Variants in PREX2 observed in about 807,000 individuals in gnomAD.
The protein encoded by PREX2 is phosphatidylinositol 3,4,5-trisphosphate-dependent Rac exchanger 2 protein.
In PREX2, 107 loss-of-function variants were observed where a neutral mutation model predicts 203.2. The observed-to-expected ratio is 0.53, with a 90% CI of 0.45 to 0.62. PREX2 has a LOEUF of 0.62. Ranked by LOEUF, PREX2 falls within the 20% of genes least tolerant of loss-of-function variation. The pLI is 0.00. For missense variants in PREX2, 1,777 were observed against 1,955.9 expected, an observed-to-expected ratio of 0.91 and a Z score of 1.72; for synonymous variants, 672 against 663.6, an observed-to-expected ratio of 1.01 and a Z score of -0.19.
intron 35 of PREX2, among the ~76,000 whole-genome samples, chr8:68,178,428 A>G (rs988287662): frequency 6.6e-6 from 1 of 151,806 alleles, no homozygotes; most frequent in Non-Finnish European, 1.5e-5. Context: ...TCTTCTTTTG[A>G]GAACTATCTG....
intron 1 of PREX2, among the ~76,000 whole-genome samples, chr8:67,953,281 T>C (rs1246516836): frequency 6.6e-6 from 1 of 150,474 alleles, no homozygotes; most frequent in African/African-American, 2.5e-5. Context: ...TTCGTGGAAG[T>C]GGGGATGTAC....
chr8:68,195,169 G>GT, intron 37 of PREX2, among the ~76,000 whole-genome samples: 1 of 152,184 alleles, frequency 6.6e-6, no homozygotes, highest in Non-Finnish European at 1.5e-5. Context: ...TCTCTCAGAT[G>GT]TTTCACGAGC....
intron 19 of PREX2, among the ~76,000 whole-genome samples, chr8:68,089,404 C>G (rs951258730): frequency 2.6e-5 from 4 of 152,068 alleles, no homozygotes; most frequent in African/African-American, 9.7e-5. Flanking sequence ...GACAGGAAGC[C>G]CTCGGAGTCT....
chr8:68,175,657 T>G (rs184593865), intron 35 of PREX2, among the ~76,000 whole-genome samples: 31 of 152,286 alleles, frequency 2.0e-4, no homozygotes, highest in Admixed American at 3.3e-4. Flanking sequence ...TCAGGCCCAC[T>G]AAAGTGTTCC....
chr8:68,046,469 C>A (rs10096711), intron 8 of PREX2, among the ~76,000 whole-genome samples: 16,601 of 152,060 alleles, frequency 0.11, 970 homozygotes, highest in Middle Eastern at 0.13. Context: ...GGATTCAATT[C>A]GACCTGAAAG....
At chr8:68,022,413 A>T (rs6999850) in intron 4 of PREX2, among the ~76,000 whole-genome samples, 38,701 of 151,932 alleles carry the variant, frequency 0.25, 5,840 homozygotes, top group African/African-American at 0.42. Flanking sequence ...GCCAGAGTTC[A>T]TCACTGCTTT....
chr8:68,178,726 C>T (rs1190605763), intron 35 of PREX2, among the ~76,000 whole-genome samples: 1 of 152,048 alleles, frequency 6.6e-6, no homozygotes, highest in Non-Finnish European at 1.5e-5. Flanking sequence ...ACATAGTTTA[C>T]AGGGAAAAGT....
chr8:67,983,407 C>T (rs917737287), intron 1 of PREX2, among the ~76,000 whole-genome samples: 2 of 136,586 alleles, frequency 1.5e-5, no homozygotes, highest in South Asian at 5.0e-4. Flanking sequence ...CTCCATCCTC[C>T]TGTTACTTAG....
At chr8:68,168,979 C>T (rs1228806238) in intron 35 of PREX2, among the ~76,000 whole-genome samples, 3 of 151,270 alleles carry the variant, frequency 2.0e-5, no homozygotes, top group Non-Finnish European at 4.4e-5. Context: ...TTATAAGTTT[C>T]AGAAACCAAA....
chr8:68,000,700 G>A (rs13271466), intron 1 of PREX2, among the ~76,000 whole-genome samples: 110,732 of 152,068 alleles, frequency 0.73, 40,360 homozygotes, highest in South Asian at 0.83. Context: ...CTCAAACTAT[G>A]TTACAGGGCT....
At position 68,236,330 on chromosome 8, in the gene PREX2, C is replaced by T. The variant is rs1278973374; in HGVS notation, c.*4952C>T. 1 of 152,168 alleles carries T rather than the reference C, an allele frequency of 6.6e-6. No individual in the cohort carries two copies. The highest frequency in any genetic ancestry group is 1.5e-5 in the Non-Finnish European group (1 of 68,012). The allele number at this position is 152,168 out of a possible 1,614,324, so 9.4% of individuals were successfully genotyped here. ...GTGCGAATAACAGGATAAATGCTATCTGATCAAGCATTCATCCGAAAAATG... is the reference window on the plus strand; with the variant it reads ...GTGCGAATAACAGGATAAATGCTATTTGATCAAGCATTCATCCGAAAAATG... On this transcript the variant is annotated 3_prime_UTR_variant, in exon 40 of 40. Coordinates refer to ENST00000288368, the MANE Select transcript of PREX2 (RefSeq NM_024870.4).
At chr8:67,976,708 GGAGAGAGACA>G (rs1806117766) in intron 1 of PREX2, among the ~76,000 whole-genome samples, 1 of 66,858 alleles carries the variant, frequency 1.5e-5, no homozygotes, top group South Asian at 8.8e-4. Context: ...GAGAGAGACG[GGAGAGAGACA>G]GAGAGAGAGA....
intron 39 of PREX2, among the ~76,000 whole-genome samples, chr8:68,229,254 G>A (rs1813119579): frequency 6.6e-6 from 1 of 152,168 alleles, no homozygotes; most frequent in Admixed American, 6.5e-5. Context: ...ACAAGAATAG[G>A]AGAAAGAAGG....
At chr8:68,210,149 A>G (rs929932489) in intron 37 of PREX2, among the ~76,000 whole-genome samples, 1 of 152,224 alleles carries the variant, frequency 6.6e-6, no homozygotes, top group Non-Finnish European at 1.5e-5. Flanking sequence ...TGAGAACTAT[A>G]GAAGTTTTCA....
chr8:68,110,960 A>G, intron 25 of PREX2: 2 of 428,620 alleles, frequency 4.7e-6, no homozygotes, highest in South Asian at 3.4e-5. Context: ...GATTGCTAAG[A>G]GAAAAGGAGA....
chr8:68,078,586 C>T (rs1403757055), intron 15 of PREX2, among the ~76,000 whole-genome samples: 1 of 152,154 alleles, frequency 6.6e-6, no homozygotes, highest in Non-Finnish European at 1.5e-5. Context: ...GCAAAGGTTA[C>T]AGTGATTTTG....
chr8:68,090,817 T>C (rs1809849523), intron 20 of PREX2, 102 bp downstream of exon 20: 1 of 920,798 alleles, frequency 1.1e-6, no homozygotes, highest in Non-Finnish European at 1.6e-6. Flanking sequence ...TTTCCAATTT[T>C]AAGTTTAAAA....
intron 34 of PREX2, among the ~76,000 whole-genome samples, chr8:68,148,843 G>C (rs1035144088): frequency 1.3e-5 from 2 of 152,116 alleles, no homozygotes; most frequent in Non-Finnish European, 2.9e-5. Flanking sequence ...TTTAACGGGG[G>C]TGCAGAAGTT....
At chr8:68,051,661 G>T (rs989269000) in intron 8 of PREX2, among the ~76,000 whole-genome samples, 15 of 152,178 alleles carry the variant, frequency 9.9e-5, no homozygotes, top group African/African-American at 2.6e-4. Context: ...ATACTTATCT[G>T]ACATGAATTA....
Sources: gnomAD v4.1 joint callset for allele counts (sites outside exome capture counted in the v4.1 genomes callset) on GRCh38, gnomAD v4.1.1 for gene constraint, MANE v1.5 for transcripts, NCBI Gene and HGNC (gene_info 2026-07-23, HGNC 2026-07-21) for gene names.